The following PCDH11Y variants were observed in gnomAD, a reference collection of about 807,000 sequenced individuals.
The protein encoded by PCDH11Y is protocadherin-11 Y-linked.
For missense variants in PCDH11Y, 12 were observed against 224.8 expected (o/e 0.05, Z 6.05); for synonymous variants, 9 against 83.6 (o/e 0.11, Z 4.87).
rs371699771 is a variant in PCDH11Y, at chrY:5,513,249, G to A, written c.3328+11994G>A. On this transcript the variant is annotated intron_variant, in intron 3 of 4. Transcript: ENST00000400457. ...AGTGTTTCACCTTGTTAGCCAGGAT[G>A]GTTTCGATCTCCTGACCTCGTGATC... is the stretch of plus-strand genomic sequence containing the variant. 1.9e-4 allele frequency among the ~76,000 whole-genome samples: 6 copies of A among 32,133 alleles called. No individual in the cohort carries two copies. In the East Asian group the frequency reaches 4.9e-3, roughly 26 times the overall value. 86.2% of individuals were successfully genotyped at this position (32,133 alleles called of 37,273 possible).
At chrY:5,085,112 AAGG>A (rs2052727335) in intron 1 of PCDH11Y, among the ~76,000 whole-genome samples, 2 of 32,615 alleles carry the variant, frequency 6.1e-5, no homozygotes, top group South Asian at 1.4e-3. Context: ...TCCTCTAGTG[AAGG>A]AGATTTTCTC....
At chrY:5,597,129 G>A in intron 4 of PCDH11Y, among the ~76,000 whole-genome samples, 1 of 30,486 alleles carries the variant, frequency 3.3e-5, no homozygotes, top group African/African-American at 1.3e-4. Flanking sequence ...AGGAAAAAAT[G>A]TCATTATATG....
intron 4 of PCDH11Y, among the ~76,000 whole-genome samples, chrY:5,731,513 G>A: frequency 6.1e-5 from 2 of 32,837 alleles, no homozygotes; most frequent in Non-Finnish European, 1.5e-4. Flanking sequence ...GTCATCTCCT[G>A]TTAATCTAGC....
intron 3 of PCDH11Y, among the ~76,000 whole-genome samples, chrY:5,039,155 T>G (rs2052603453): frequency 9.1e-5 from 3 of 32,863 alleles, no homozygotes; most frequent in Non-Finnish European, 2.2e-4. Context: ...TATATTGGAC[T>G]GCACAGCTCT....
intron 2 of PCDH11Y, among the ~76,000 whole-genome samples, chrY:5,177,183 C>A: frequency 3.0e-5 from 1 of 33,461 alleles, no homozygotes; most frequent in Non-Finnish European, 7.4e-5. Flanking sequence ...TGTTTTAATG[C>A]ATTGTTCCTA....
chrY:5,045,338 C>G, intron 3 of PCDH11Y, among the ~76,000 whole-genome samples: 1 of 32,429 alleles, frequency 3.1e-5, no homozygotes, highest in African/African-American at 1.2e-4. Flanking sequence ...ATTTGCTTGT[C>G]TGTAAAGTAT....
intron 2 of PCDH11Y, chrY:5,337,636 G>GA: frequency 1.5e-5 from 2 of 129,523 alleles, no homozygotes; most frequent in Non-Finnish European, 2.2e-5. Flanking sequence ...TTTATTCAAA[G>GA]AAAAAAAATG....
At chrY:5,289,800 C>G in intron 2 of PCDH11Y, among the ~76,000 whole-genome samples, 1 of 32,880 alleles carries the variant, frequency 3.0e-5, no homozygotes. Context: ...GAATAGTACC[C>G]CATTGTGGAT....
intron 3 of PCDH11Y, among the ~76,000 whole-genome samples, chrY:5,040,905 G>C: frequency 3.1e-5 from 1 of 32,105 alleles, no homozygotes; most frequent in Admixed American, 2.9e-4. Flanking sequence ...GAAAACTTTA[G>C]GTTTTTGAAT....
intron 2 of PCDH11Y, among the ~76,000 whole-genome samples, chrY:5,196,946 G>T (rs2124649132): frequency 1.6e-4 from 1 of 6,237 alleles, no homozygotes; most frequent in Admixed American, 1.8e-3. Context: ...CACTCTGATG[G>T]TAGTTTCTTT....
At chrY:5,045,208 G>A (rs2052631528) in intron 3 of PCDH11Y, among the ~76,000 whole-genome samples, 1 of 33,154 alleles carries the variant, frequency 3.0e-5, no homozygotes, top group Non-Finnish European at 7.4e-5. Flanking sequence ...TTCTAGTCTC[G>A]ATAGTCTTTA....
chrY:5,126,628 C>T (rs2052825895), intron 2 of PCDH11Y, among the ~76,000 whole-genome samples: 1 of 32,392 alleles, frequency 3.1e-5, no homozygotes, highest in Non-Finnish European at 7.6e-5. Flanking sequence ...AATTGTAGAA[C>T]GTTTGAAAAA....
intron 2 of PCDH11Y, among the ~76,000 whole-genome samples, chrY:5,121,892 A>G: frequency 3.0e-5 from 1 of 33,030 alleles, no homozygotes; most frequent in African/African-American, 1.2e-4. Context: ...GTACAAGTGT[A>G]TACATGCACA....
intron 2 of PCDH11Y, among the ~76,000 whole-genome samples, chrY:5,170,771 A>G: frequency 6.3e-5 from 2 of 31,561 alleles, no homozygotes; most frequent in African/African-American, 2.5e-4. Context: ...TCAAGTGCAA[A>G]TCTTGATGCG....
Position 5,520,726 on chromosome Y carries a change from G to C in PCDH11Y, c.3328+19471G>C. ...GAGAGTTGTTGCTCAACATCCCATA[G>C]CCATTTGACACCATATTTTAATTGT... On this transcript the variant is annotated intron_variant, in intron 3 of 4. Transcript: ENST00000400457. Among the ~76,000 whole-genome samples the C allele has an allele frequency of 1.0e-4, 3 of 29,610 alleles. No individual in the cohort carries two copies. The East Asian group carries it at 2.8e-3, about 28-fold the overall frequency. The allele number at this position is 29,610 out of a possible 37,273, so 79.4% of individuals were successfully genotyped here. A position where few individuals can be genotyped will look rare whatever the true frequency, so the allele number is the denominator to read the frequency against.
At chrY:5,383,240 A>C in intron 2 of PCDH11Y, among the ~76,000 whole-genome samples, 1 of 32,708 alleles carries the variant, frequency 3.1e-5, no homozygotes, top group African/African-American at 1.2e-4. Flanking sequence ...AATACTTTTA[A>C]TAGTTAATAA....
intron 2 of PCDH11Y, among the ~76,000 whole-genome samples, chrY:5,328,460 A>C: frequency 3.0e-5 from 1 of 32,852 alleles, no homozygotes; most frequent in Non-Finnish European, 7.5e-5. Flanking sequence ...GTTTTATTTA[A>C]TGTCGGGAGC....
At chrY:5,116,733 G>C in intron 2 of PCDH11Y, among the ~76,000 whole-genome samples, 1 of 32,634 alleles carries the variant, frequency 3.1e-5, no homozygotes, top group Non-Finnish European at 7.5e-5. Flanking sequence ...TAACTGAAAA[G>C]GTACAATAAC....
At chrY:5,668,236 A>T in intron 4 of PCDH11Y, among the ~76,000 whole-genome samples, 3 of 33,225 alleles carry the variant, frequency 9.0e-5, no homozygotes, top group African/African-American at 2.4e-4. Flanking sequence ...AACAGTTTAA[A>T]GCCTACACCA....
Sources: allele counts gnomAD v4.1 joint callset (sites outside exome capture counted in the v4.1 genomes callset), GRCh38; gene constraint gnomAD v4.1.1; transcripts MANE v1.5; gene names NCBI Gene and HGNC (gene_info 2026-07-23, HGNC 2026-07-21).